CCSER1: variants seen among roughly 807,000 people sequenced by gnomAD.
CCSER1 encodes serine-rich coiled-coil domain-containing protein 1.
In CCSER1, 41 loss-of-function variants were observed where a neutral mutation model predicts 82.0. The ratio of observed to expected loss-of-function variants is 0.50; its 90% confidence interval spans 0.39 to 0.65. The LOEUF is 0.65. CCSER1 is among the 30% of genes least tolerant of loss of function. CCSER1 has a pLI of 0.00. For missense variants in CCSER1, 1,119 were observed against 1,064.2 expected (o/e 1.05, Z -0.72); for synonymous variants, 414 against 383.9 (o/e 1.08, Z -0.92).
intron 10 of CCSER1, among the ~76,000 whole-genome samples, chr4:91,410,396 T>C (rs929835290): frequency 1.3e-5 from 2 of 151,892 alleles, no homozygotes; most frequent in Admixed American, 1.3e-4. Context: ...ACTCACATCT[T>C]TGTTTGATCT....
rs540720420 is a variant in CCSER1 at position 91,481,554 on chromosome 4, T to C, written c.2218-117018T>C. 6.6e-5 allele frequency among the ~76,000 whole-genome samples: 10 copies of C among 152,272 alleles called. No individual in the cohort carries two copies. In the South Asian group the frequency reaches 2.1e-3, roughly 32 times the overall value. ...CATGCTGGTGGTTAAAGCTGCAACATACACATTTTAGTGAGACACAATTTA... is the reference window on the plus strand; with the variant it reads ...CATGCTGGTGGTTAAAGCTGCAACACACACATTTTAGTGAGACACAATTTA... On this transcript the variant is annotated intron_variant, in intron 10 of 10. Coordinates refer to ENST00000509176, the MANE Select transcript of CCSER1 (RefSeq NM_001145065.2).
chr4:91,319,141 G>T, intron 10 of CCSER1: 1 of 235,188 alleles, frequency 4.3e-6, no homozygotes, highest in Non-Finnish European at 8.8e-6. Context: ...TTTCTAAAGG[G>T]AAAAAAATAA....
At chr4:90,883,935 G>T (rs1721725244) in intron 8 of CCSER1, among the ~76,000 whole-genome samples, 1 of 152,130 alleles carries the variant, frequency 6.6e-6, no homozygotes, top group Admixed American at 6.6e-5. Context: ...ATCAGAGATT[G>T]GTGACTAATT....
chr4:90,249,151 G>A (rs1352647239), intron 1 of CCSER1, among the ~76,000 whole-genome samples: 4 of 151,956 alleles, frequency 2.6e-5, no homozygotes, highest in African/African-American at 4.8e-5. Context: ...AGCCCTACTC[G>A]TATATAACCC....
At chr4:90,437,228 AACAC>A (rs764846488) in intron 4 of CCSER1, among the ~76,000 whole-genome samples, 1 of 152,110 alleles carries the variant, frequency 6.6e-6, no homozygotes, top group East Asian at 1.9e-4. Context: ...TTATAATTAA[AACAC>A]ACACGCACAC....
rs372131542 is a variant in CCSER1, at chr4:91,548,196, G to T, written c.2218-50376G>T. Among the ~76,000 whole-genome samples, 194 of 152,218 alleles carry T rather than the reference G, an allele frequency of 1.3e-3. 10 individuals are homozygous for T. In the South Asian group the frequency reaches 0.039, roughly 31 times the overall value. On this transcript the variant is annotated intron_variant, in intron 10 of 10. Coordinates refer to ENST00000509176, the MANE Select transcript of CCSER1 (RefSeq NM_001145065.2). Reference sequence around the variant, plus strand: ...GGTTGCGCTAAAGTTTGCAATTTACGTGTAAAACTAAGCAAAATCCATTTT... The same window carrying T: ...GGTTGCGCTAAAGTTTGCAATTTACTTGTAAAACTAAGCAAAATCCATTTT...
intron 10 of CCSER1, among the ~76,000 whole-genome samples, chr4:91,128,060 T>G (rs888743222): frequency 1.3e-5 from 2 of 151,966 alleles, no homozygotes; most frequent in African/African-American, 4.8e-5. Context: ...CTGCTGCTGC[T>G]CCCCCACATG....
chr4:90,391,838 G>A (rs1313231654), intron 3 of CCSER1, among the ~76,000 whole-genome samples: 3 of 151,736 alleles, frequency 2.0e-5, no homozygotes, highest in Non-Finnish European at 4.4e-5. Context: ...ATATGTGAAA[G>A]TTTTAAATAT....
chr4:91,132,266 G>T (rs1422873210), intron 10 of CCSER1, among the ~76,000 whole-genome samples: 1 of 152,112 alleles, frequency 6.6e-6, no homozygotes, highest in African/African-American at 2.4e-5. Flanking sequence ...GGTGACTAGT[G>T]CAGAGTTAAT....
intron 5 of CCSER1, among the ~76,000 whole-genome samples, chr4:90,481,998 T>C (rs1560586670): frequency 1.3e-5 from 2 of 152,218 alleles, no homozygotes; most frequent in Admixed American, 6.5e-5. Context: ...ATCCATCTGG[T>C]CCTGGACTTT....
intron 8 of CCSER1, among the ~76,000 whole-genome samples, chr4:90,904,815 T>C (rs1195440853): frequency 6.6e-6 from 1 of 152,062 alleles, no homozygotes; most frequent in East Asian, 1.9e-4. Context: ...TATCACTACA[T>C]ACCTGCTTGG....
At chr4:91,178,700 CTCTG>C (rs1733669988) in intron 10 of CCSER1, among the ~76,000 whole-genome samples, 1 of 152,036 alleles carries the variant, frequency 6.6e-6, no homozygotes, top group African/African-American at 2.4e-5. Context: ...CTATGTGTGT[CTCTG>C]CATGTGAGAT....
At chr4:90,355,363 A>G (rs950801377) in intron 3 of CCSER1, among the ~76,000 whole-genome samples, 4 of 152,008 alleles carry the variant, frequency 2.6e-5, no homozygotes, top group Admixed American at 1.3e-4. Context: ...CAGCATTCCT[A>G]TTACACAGCT....
intron 10 of CCSER1, among the ~76,000 whole-genome samples, chr4:91,148,193 T>C (rs1315021606): frequency 2.6e-5 from 4 of 152,296 alleles, no homozygotes; most frequent in Non-Finnish European, 5.9e-5. Context: ...AAGATAATTT[T>C]TACATTAGTG....
chr4:90,141,671 A>T (rs1724820375), intron 1 of CCSER1, among the ~76,000 whole-genome samples: 1 of 152,246 alleles, frequency 6.6e-6, no homozygotes, highest in Non-Finnish European at 1.5e-5. Flanking sequence ...GTGTTAGATG[A>T]CTGACTGGTA....
intron 9 of CCSER1, among the ~76,000 whole-genome samples, chr4:91,027,576 C>A (rs1740602309): frequency 6.6e-6 from 1 of 151,946 alleles, no homozygotes; most frequent in African/African-American, 2.4e-5. Context: ...ATAATTTGGG[C>A]TACCTGTCAT....
intron 5 of CCSER1, among the ~76,000 whole-genome samples, chr4:90,565,973 G>T: frequency 6.7e-6 from 1 of 149,758 alleles, no homozygotes. Context: ...TGATTCTCCT[G>T]CCTCATCCCT....
intron 1 of CCSER1, among the ~76,000 whole-genome samples, chr4:90,245,300 A>G (rs1053220679): frequency 2.0e-5 from 3 of 152,182 alleles, no homozygotes; most frequent in Non-Finnish European, 2.9e-5. Flanking sequence ...TAGGCTAAAT[A>G]TGTCCAATGC....
chr4:90,453,730 G>C (rs931641448), intron 4 of CCSER1, among the ~76,000 whole-genome samples: 2 of 152,106 alleles, frequency 1.3e-5, no homozygotes, highest in Non-Finnish European at 2.9e-5. Flanking sequence ...GTAAACAAGA[G>C]GTCCTGCCAA....
Sources: gnomAD v4.1 joint callset for allele counts (sites outside exome capture counted in the v4.1 genomes callset) on GRCh38, gnomAD v4.1.1 for gene constraint, MANE v1.5 for transcripts, NCBI Gene and HGNC (gene_info 2026-07-23, HGNC 2026-07-21) for gene names.